LTV1: variants seen among roughly 807,000 people sequenced by gnomAD.
LTV1 encodes the protein LTV1 ribosome biogenesis factor, also known as protein LTV1 homolog.
LTV1 carries 39 observed loss-of-function variants against 59.9 expected under a neutral mutation model. The ratio of observed to expected loss-of-function variants is 0.65; its 90% CI spans 0.50 to 0.85. LTV1 has a LOEUF of 0.85. LTV1 is among the 40% of genes least tolerant of loss of function. The probability of loss-of-function intolerance (pLI) is 0.00; values close to 1 mark genes in which losing one functional copy is unlikely to be tolerated. For synonymous variants in LTV1, 171 were observed against 189.5 expected (o/e 0.90, Z 0.80); for missense variants, 493 against 549.1 (o/e 0.90, Z 1.02).
rs752962506 is a variant in LTV1 at position 143,843,455 on chromosome 6, G to A, written c.-23G>A. On this transcript the variant is annotated 5_prime_UTR_variant, in exon 1 of 11. Transcript: ENST00000367576. ...GGGTGTCATCGCCGCCCCTGTTGGGGGTGAGCGCCGCGCGGCTGCAGCATG... is the reference window on the plus strand; with the variant it reads ...GGGTGTCATCGCCGCCCCTGTTGGGAGTGAGCGCCGCGCGGCTGCAGCATG... The A allele has an allele frequency of 2.0e-5, 32 of 1,612,992 alleles. No individual in the cohort carries two copies. Among genetic ancestry groups the A allele is most frequent in the Non-Finnish European group, 2.5e-5 (29 of 1,179,970 alleles).
chr6:143,862,800 T>C lies in LTV1; in HGVS notation c.1064-44T>C. The C allele has an allele frequency of 2.4e-6, 3 of 1,249,932 alleles. No homozygotes were observed. In the South Asian group the frequency reaches 3.6e-5, roughly 15 times the overall value. The allele number at this position is 1,249,932 out of a possible 1,614,324, so 77.4% of individuals were successfully genotyped here. On this transcript the variant is annotated intron_variant, in intron 8 of 10. Coordinates refer to ENST00000367576, the MANE Select transcript of LTV1 (RefSeq NM_032860.5). This position sits in a 1 kb window ranked among gnomAD's most constrained non-coding sequence, Gnocchi z 4.2. ...GGAATTCAGTAATGCTTTGTGGAAC[T>C]GAAAACATGCTTACTGATACATGAC...
At chr6:143,856,942 C>T (rs1050134838) in intron 4 of LTV1, among the ~76,000 whole-genome samples, 2 of 152,226 alleles carry the variant, frequency 1.3e-5, no homozygotes, top group Non-Finnish European at 2.9e-5. Flanking sequence ...CAGTCTGTCC[C>T]TTAGCAGAGC....
Position 143,844,506 on chromosome 6 carries a change from C to A in LTV1, c.24C>A (p.Pro8=). MPHRKKK[P]FIEKKKAVSF... is the part of the protein sequence containing the mutation. ...TGAAGCCTCACAGGAAGAAAAAGCC[C>A]TTTATAGAGAAGAAGAAAGCTGTGT... The change falls in exon 2 of 11, where the codon CCC becomes CCA. Residue 8 remains proline, a synonymous_variant. Transcript: ENST00000367576. 1 of 1,613,820 alleles carries A rather than the reference C, an allele frequency of 6.2e-7. No individual in the cohort carries two copies. The highest frequency in any genetic ancestry group is 8.5e-7 in the Non-Finnish European group (1 of 1,179,916).
At chr6:143,843,596 T>C in intron 1 of LTV1, 116 bp downstream of exon 1, 1 of 1,356,334 alleles carries the variant, frequency 7.4e-7, no homozygotes, top group Non-Finnish European at 1.0e-6. Context: ...AGAGGCTGCT[T>C]GCGGCACGGT....
chr6:143,845,958 T>G, intron 2 of LTV1, 93 bp from the exon 3 acceptor site: 4 of 1,225,022 alleles, frequency 3.3e-6, no homozygotes, highest in Non-Finnish European at 3.5e-6. Context: ...GCTGTACTCA[T>G]TGTAATATTC....
chr6:143,843,628 A>C, intron 1 of LTV1, 148 bp downstream of exon 1: 1 of 985,422 alleles, frequency 1.0e-6, no homozygotes, highest in Non-Finnish European at 1.5e-6. Context: ...GGCCAACGTC[A>C]CCACCGTGGG....
chr6:143,857,896 T>A lies in LTV1; in HGVS notation c.684T>A (p.Asp228Glu). The stretch of plus-strand genomic sequence containing the variant: ...GAAAAACTCACAGAGCTATAGCAGA[T>A]CACTTGTTCTGGAGTGAGGAAACAA... ...VPGKTHRAIA[D>E]HLFWSEETKS... is the part of the protein sequence containing the mutation. Residue 228 changes from aspartate (D) to glutamate (E), a missense_variant, in exon 6 of 11, where the codon GAT (aspartate) becomes GAA (glutamate). Coordinates refer to ENST00000367576, the MANE Select transcript of LTV1 (RefSeq NM_032860.5). The surrounding 1 kb of genome is among the most constrained non-coding windows in gnomAD (Gnocchi z 5.2). The A allele has an allele frequency of 6.2e-7, 1 of 1,614,094 alleles. No individual in the cohort carries two copies. Among genetic ancestry groups the A allele is most frequent in the South Asian group, 1.1e-5 (1 of 91,080 alleles).
chr6:143,860,898 A>ATT lies in LTV1; in HGVS notation c.923+359_923+360dup, dbSNP rs34010559. Among the ~76,000 whole-genome samples the ATT allele has an allele frequency of 4.2e-5, 6 of 144,194 alleles. 1 individual carries two copies. The highest frequency in any genetic ancestry group is 6.1e-5 in the Non-Finnish European group (4 of 65,166). The allele number at this position is 144,194 out of a possible 152,430, so 94.6% of individuals were successfully genotyped here. On this transcript the variant is annotated intron_variant, in intron 7 of 10. Coordinates refer to ENST00000367576, the MANE Select transcript of LTV1 (RefSeq NM_032860.5). ...GGTAGAATGTGTATTCGTTTATTAA[A>ATT]TTTTTTTTTTTTTTTGAGACGGAGT... is the stretch of plus-strand genomic sequence containing the variant.
At position 143,843,351 on chromosome 6, in the gene LTV1, CG is replaced by C; in HGVS notation, c.-124del. The C allele has an allele frequency of 8.5e-7, 1 of 1,181,456 alleles. No homozygotes were observed. The highest frequency in any genetic ancestry group is 1.3e-6 in the Non-Finnish European group (1 of 799,372). 73.2% of individuals were successfully genotyped at this position (1,181,456 alleles called of 1,614,324 possible). Reference sequence around the variant, plus strand: ...ACGGCCGGCTGGGTGACGTTATCGCCGGGTCCTGGGGCTGCACGTGTGGTGA... The same window carrying C: ...ACGGCCGGCTGGGTGACGTTATCGCCGGTCCTGGGGCTGCACGTGTGGTGA... On this transcript the variant is annotated 5_prime_UTR_variant, in exon 1 of 11. Coordinates refer to ENST00000367576, the MANE Select transcript of LTV1 (RefSeq NM_032860.5).
At chr6:143,850,899 A>G (rs549729648) in intron 4 of LTV1, among the ~76,000 whole-genome samples, 25 of 152,368 alleles carry the variant, frequency 1.6e-4, no homozygotes, top group Non-Finnish European at 3.5e-4. Context: ...GATAAATTAC[A>G]GTATAGATGG....
Position 143,857,987 on chromosome 6 carries a change from C to T in LTV1, c.775C>T (p.His259Tyr), listed in dbSNP as rs1456373408. Residue 259 changes from histidine (H) to tyrosine (Y), a missense_variant, in exon 6 of 11, where the codon CAT becomes TAT. Coordinates refer to ENST00000367576, the MANE Select transcript of LTV1 (RefSeq NM_032860.5). This position sits in a 1 kb window ranked among gnomAD's most constrained non-coding sequence, Gnocchi z 5.2. ...GAGGAGAAATGAACAGCTGACCCTACATGATGAGAGGTTTGAGAAGGTAAG... is the reference window on the plus strand; with the variant it reads ...GAGGAGAAATGAACAGCTGACCCTATATGATGAGAGGTTTGAGAAGGTAAG... ...VMRRNEQLTL[H>Y]DERFEKFYEQ... 6.2e-7 allele frequency: 1 copy of T among 1,613,920 alleles called. No individual in the cohort carries two copies. Among genetic ancestry groups the T allele is most frequent in the Non-Finnish European group, 8.5e-7 (1 of 1,180,018 alleles).
chr6:143,860,369 G>T (rs1369212454), intron 6 of LTV1, 57 bp from the exon 7 acceptor site: 3 of 1,532,430 alleles, frequency 2.0e-6, no homozygotes, highest in South Asian at 2.5e-5. Flanking sequence ...TTTTAAGTGT[G>T]TAGTCTTACT....
intron 3 of LTV1, among the ~76,000 whole-genome samples, chr6:143,849,324 A>G (rs533809692): frequency 6.6e-6 from 1 of 152,344 alleles, no homozygotes; most frequent in African/African-American, 2.4e-5. Context: ...GGGCTGTGCC[A>G]TTACTAGAGA....
chr6:143,862,809 G>T lies in LTV1; in HGVS notation c.1064-35G>T. On this transcript the variant is annotated intron_variant, in intron 8 of 10. Coordinates refer to ENST00000367576, the MANE Select transcript of LTV1 (RefSeq NM_032860.5). This position sits in a 1 kb window ranked among gnomAD's most constrained non-coding sequence, Gnocchi z 4.2. ...TAATGCTTTGTGGAACTGAAAACAT[G>T]CTTACTGATACATGACTTTTATTTG... The T allele has an allele frequency of 7.6e-7, 1 of 1,310,930 alleles. No homozygotes were observed. The highest frequency in any genetic ancestry group is 1.1e-6 in the Non-Finnish European group (1 of 904,508). 81.2% of individuals were successfully genotyped at this position (1,310,930 alleles called of 1,614,324 possible).
intron 4 of LTV1, among the ~76,000 whole-genome samples, chr6:143,852,304 T>A (rs1776996947): frequency 6.6e-6 from 1 of 152,256 alleles, no homozygotes; most frequent in East Asian, 1.9e-4. Flanking sequence ...TGGTTTTAAT[T>A]TGCATTTCTA....
rs543983057 is a variant in LTV1, at chr6:143,843,638, G to A, written c.3+158G>A. On this transcript the variant is annotated intron_variant, in intron 1 of 10. Transcript: ENST00000367576. ...AAATGGGCCAACGTCACCACCGTGG[G>A]CATTCTTTGCAAGTTACAGTCTCCC... Among the ~76,000 whole-genome samples the A allele has an allele frequency of 3.3e-5, 5 of 152,338 alleles. No individual in the cohort carries two copies. The South Asian group carries it at 1.0e-3, about 32-fold the overall frequency.
chr6:143,852,042 A>G (rs988276239), intron 4 of LTV1, among the ~76,000 whole-genome samples: 1 of 152,200 alleles, frequency 6.6e-6, no homozygotes, highest in Non-Finnish European at 1.5e-5. Flanking sequence ...CTACGTGTGC[A>G]TGTGTCTTTA....
At chr6:143,858,118 C>A in intron 6 of LTV1, 111 bp downstream of exon 6, 1 of 994,864 alleles carries the variant, frequency 1.0e-6, no homozygotes, top group South Asian at 1.5e-5. Flanking sequence ...CAAAGTCAAT[C>A]ATAGGAAGTT....
intron 1 of LTV1, 117 bp from the exon 2 acceptor site, chr6:143,844,369 T>A: frequency 9.0e-7 from 1 of 1,115,148 alleles, no homozygotes; most frequent in Non-Finnish European, 1.3e-6. Flanking sequence ...CCTAGAAGTG[T>A]AGATTTTTAA....
Sources: gnomAD v4.1 joint callset for allele counts (sites outside exome capture counted in the v4.1 genomes callset) on GRCh38, gnomAD v4.1.1 for gene constraint, Gnocchi (gnomAD v3.1) non-coding constraint, MANE v1.5 for transcripts, NCBI Gene and HGNC (gene_info 2026-07-23, HGNC 2026-07-21) for gene names.